AUTS2: variants seen among roughly 807,000 people sequenced by gnomAD.
The protein encoded by AUTS2 is activator of transcription and developmental regulator AUTS2, also known as autism susceptibility gene 2 protein.
A neutral mutation model predicts 112.4 loss-of-function variants in AUTS2; 17 were observed. The ratio of observed to expected loss-of-function variants is 0.15; its 90% confidence interval spans 0.10 to 0.23. The LOEUF (loss-of-function observed/expected upper bound fraction) is 0.23. Among genes scored for constraint, AUTS2 ranks in the 10% least tolerant of loss-of-function variants. The probability of loss-of-function intolerance (pLI) is 1.00; values close to 1 mark genes in which losing one functional copy is unlikely to be tolerated. For synonymous variants in AUTS2, 751 were observed against 702.7 expected (o/e 1.07, Z -1.09); for missense variants, 1,510 against 1,701.6 (o/e 0.89, Z 1.98).
chr7:69,950,400 T>G (rs1318581213), intron 2 of AUTS2, among the ~76,000 whole-genome samples: 2 of 152,174 alleles, frequency 1.3e-5, no homozygotes, highest in African/African-American at 4.8e-5. Context: ...TTTCTAGGTA[T>G]GTGATTTTGG....
intron 4 of AUTS2, among the ~76,000 whole-genome samples, chr7:70,144,104 C>G (rs544433050): frequency 6.6e-6 from 1 of 152,012 alleles, no homozygotes; most frequent in South Asian, 2.1e-4. Flanking sequence ...TCTTACTGCT[C>G]CTCAGAGTTC....
intron 6 of AUTS2, among the ~76,000 whole-genome samples, chr7:70,754,262 G>A (rs541653735): frequency 3.7e-4 from 56 of 152,272 alleles, no homozygotes; most frequent in South Asian, 2.7e-3. Flanking sequence ...AGGCCTAGGC[G>A]GGAGGATTGC....
At chr7:69,933,214 C>T (rs572119837) in intron 2 of AUTS2, among the ~76,000 whole-genome samples, 74 of 152,052 alleles carry the variant, frequency 4.9e-4, no homozygotes, top group Non-Finnish European at 7.4e-4. Flanking sequence ...CTCATGTGTG[C>T]GCACAGGTGT....
chr7:69,773,812 G>A (rs945491452), intron 1 of AUTS2, among the ~76,000 whole-genome samples: 7 of 152,170 alleles, frequency 4.6e-5, no homozygotes, highest in Non-Finnish European at 7.3e-5. Context: ...CTGAGCTTCC[G>A]TCTCTACCGT....
chr7:70,775,263 A>T (rs1790612503), intron 12 of AUTS2, 94 bp from the exon 13 acceptor site: 2 of 1,023,930 alleles, frequency 2.0e-6, no homozygotes, highest in Non-Finnish European at 3.0e-6. Context: ...CTAACATTTT[A>T]ATTTCCCCTC....
chr7:70,616,548 A>G (rs1804377083), intron 5 of AUTS2, among the ~76,000 whole-genome samples: 2 of 152,194 alleles, frequency 1.3e-5, no homozygotes, highest in Non-Finnish European at 2.9e-5. Flanking sequence ...TCCAAGCTCC[A>G]CAAGGGCAAG....
chr7:69,873,116 A>G (rs575819341), intron 1 of AUTS2, among the ~76,000 whole-genome samples: 8 of 152,096 alleles, frequency 5.3e-5, no homozygotes, highest in South Asian at 2.1e-4. Context: ...GATATAGTCT[A>G]TATTCTAAAG....
At chr7:70,632,647 A>C in intron 5 of AUTS2, among the ~76,000 whole-genome samples, 1 of 149,568 alleles carries the variant, frequency 6.7e-6, no homozygotes, top group Admixed American at 6.6e-5. Context: ...TCCATCCATC[A>C]CCCTCCTCTC....
At chr7:69,818,468 C>T (rs1790853389) in intron 1 of AUTS2, among the ~76,000 whole-genome samples, 1 of 152,168 alleles carries the variant, frequency 6.6e-6, no homozygotes. Flanking sequence ...GACCCATAAT[C>T]CAACTTTAGG....
intron 1 of AUTS2, among the ~76,000 whole-genome samples, chr7:69,621,476 G>A (rs2129091553): frequency 6.6e-6 from 1 of 151,140 alleles, no homozygotes; most frequent in African/African-American, 2.4e-5. Context: ...AAAATAGAGA[G>A]CTATAAAATT....
rs754779184 is a variant in AUTS2, at chr7:69,899,291, T to C, written c.315T>C (p.Asp105=). The C allele has an allele frequency of 1.9e-6, 3 of 1,612,136 alleles. No homozygotes were observed. The highest frequency in any genetic ancestry group is 4.5e-5 in the East Asian group (2 of 44,880). The change falls in exon 2 of 19, where the codon GAT becomes GAC. Residue 105 remains aspartate, a synonymous_variant. Coordinates refer to ENST00000342771, the MANE Select transcript of AUTS2 (RefSeq NM_015570.4). ...CCTTCTCTTCTTTTCTACAGAAAGA[T>C]GTAGCACTTAAGCCTCAGGAACGTG... ...SFVTFEALEK[D]VALKPQERVE... is the part of the protein sequence containing the mutation.
intron 4 of AUTS2, among the ~76,000 whole-genome samples, chr7:70,279,638 G>A (rs948010812): frequency 6.6e-6 from 1 of 152,142 alleles, no homozygotes; most frequent in Non-Finnish European, 1.5e-5. Context: ...TGTGTGTTAA[G>A]GTTTTCCAAG....
At chr7:70,079,365 G>A (rs941256358) in intron 2 of AUTS2, among the ~76,000 whole-genome samples, 1 of 152,070 alleles carries the variant, frequency 6.6e-6, no homozygotes, top group African/African-American at 2.4e-5. Context: ...AGATGGGTAT[G>A]GTGGCAGGCT....
rs567616261 is a variant in AUTS2, at chr7:70,037,807, G to C, written c.523-80325G>C. Among the ~76,000 whole-genome samples the C allele has an allele frequency of 4.6e-4, 70 of 152,186 alleles. 1 individual carries two copies. The highest frequency in any genetic ancestry group is 1.5e-3 in the African/African-American group (62 of 41,532). On this transcript the variant is annotated intron_variant, in intron 2 of 18. Transcript: ENST00000342771. ...ATGATGATAGTAGCGTCCACTTCTT[G>C]TTGTTATTATAGGATTAAATAATAT...
At chr7:69,654,487 C>T (rs1460919466) in intron 1 of AUTS2, among the ~76,000 whole-genome samples, 1 of 152,196 alleles carries the variant, frequency 6.6e-6, no homozygotes, top group Non-Finnish European at 1.5e-5. Flanking sequence ...TTAAAATATT[C>T]AGGCCAGCCC....
At chr7:70,336,372 G>T (rs1252535799) in intron 4 of AUTS2, among the ~76,000 whole-genome samples, 1 of 152,112 alleles carries the variant, frequency 6.6e-6, no homozygotes, top group African/African-American at 2.4e-5. Flanking sequence ...AAGTACATAT[G>T]TAAGTGTGTG....
intron 4 of AUTS2, among the ~76,000 whole-genome samples, chr7:70,340,194 A>ACACACACACACCC (rs942358361): frequency 1.8e-4 from 27 of 151,120 alleles, no homozygotes; most frequent in African/African-American, 6.1e-4. Context: ...ACACACACAC[A>ACACACACACACCC]CCCCGTAATA....
intron 1 of AUTS2, among the ~76,000 whole-genome samples, chr7:69,730,711 C>T (rs1004932803): frequency 6.6e-6 from 1 of 152,176 alleles, no homozygotes; most frequent in Non-Finnish European, 1.5e-5. Context: ...GTTTAAAATA[C>T]CAAATAGCTG....
At chr7:69,653,118 G>T (rs1795366416) in intron 1 of AUTS2, among the ~76,000 whole-genome samples, 1 of 152,202 alleles carries the variant, frequency 6.6e-6, no homozygotes, top group Admixed American at 6.5e-5. Context: ...CTGACCTTGG[G>T]ACTTCCAGTG....
Sources: gnomAD v4.1 joint callset for allele counts (sites outside exome capture counted in the v4.1 genomes callset) on GRCh38, gnomAD v4.1.1 for gene constraint, MANE v1.5 for transcripts, NCBI Gene and HGNC (gene_info 2026-07-23, HGNC 2026-07-21) for gene names.